Variants in RIPK1 observed in about 807,000 individuals in gnomAD.
RIPK1 encodes receptor-interacting serine/threonine-protein kinase 1.
Under a neutral mutation model 62.4 loss-of-function variants are expected in RIPK1, and 27 were observed. That is an observed-to-expected ratio of 0.43 (90% CI 0.32 to 0.60). The LOEUF (loss-of-function observed/expected upper bound fraction) is 0.60, where lower values mean the gene tolerates loss of function less well. RIPK1 is among the 20% of genes least tolerant of loss of function. The pLI, the probability that RIPK1 is intolerant of heterozygous loss-of-function variation, is 0.07. For synonymous variants in RIPK1, 287 were observed against 303.2 expected (o/e 0.95, Z 0.55); for missense variants, 735 against 831.0 (o/e 0.88, Z 1.42).
rs554625075 is a variant in RIPK1 at position 3,071,787 on chromosome 6, A to C, written c.-61+3126A>C. On this transcript the variant is annotated intron_variant, in intron 1 of 10. Transcript: ENST00000259808. The stretch of plus-strand genomic sequence containing the variant: ...AAGCTCCCAAAGTCCAGTGGACCCA[A>C]CTAGAGGCCTTCCCAAACTCCACCG... Among the ~76,000 whole-genome samples, 18 of 152,340 alleles carry C rather than the reference A, an allele frequency of 1.2e-4. No homozygotes were observed. In the East Asian group the frequency reaches 3.3e-3, roughly 28 times the overall value.
Position 3,079,254 on chromosome 6 carries a change from ATTT to A in RIPK1, c.321+1322_321+1324del, listed in dbSNP as rs1759253321. Among the ~76,000 whole-genome samples, 3 of 151,894 alleles carry A rather than the reference ATTT, an allele frequency of 2.0e-5. No individual in the cohort carries two copies. The South Asian group carries it at 6.2e-4, about 32-fold the overall frequency. The stretch of plus-strand genomic sequence containing the variant: ...ACCACCATGCCTGGCTATTTTTTTA[ATTT>A]TTAGTAGAGACAAGTTTTCACCATG... On this transcript the variant is annotated intron_variant, in intron 3 of 10. Coordinates refer to ENST00000259808, the MANE Select transcript of RIPK1 (RefSeq NM_001354930.2).
intron 9 of RIPK1, among the ~76,000 whole-genome samples, chr6:3,110,302 G>T (rs1427310055): frequency 6.6e-6 from 1 of 150,758 alleles, no homozygotes; most frequent in African/African-American, 2.4e-5. Flanking sequence ...TCCGCCTCCT[G>T]GGTTCAAGTG....
intron 9 of RIPK1, among the ~76,000 whole-genome samples, chr6:3,108,210 G>A (rs1760959674): frequency 6.6e-6 from 1 of 151,854 alleles, no homozygotes; most frequent in Non-Finnish European, 1.5e-5. Context: ...AAAGCTCACT[G>A]GGCTAAGAGT....
chr6:3,083,975 G>A (rs756369548), intron 5 of RIPK1, among the ~76,000 whole-genome samples: 1 of 152,014 alleles, frequency 6.6e-6, no homozygotes, highest in Non-Finnish European at 1.5e-5. Flanking sequence ...AAGTGGCATC[G>A]CCATCCTTTT....
chr6:3,098,226 C>T lies in RIPK1; in HGVS notation c.916-5999C>T, dbSNP rs139134608. Among the ~76,000 whole-genome samples the T allele has an allele frequency of 5.6e-3, 846 of 152,292 alleles. 5 individuals are homozygous for T. The highest frequency in any genetic ancestry group is 0.019 in the African/African-American group (797 of 41,542). On this transcript the variant is annotated intron_variant, in intron 7 of 10. Transcript: ENST00000259808. ...CAGTCACAGAATGGGAGAAGTGCAA[C>T]ACACACATAACTGACAAAGGACTTG...
chr6:3,103,822 G>C (rs1760699784), intron 7 of RIPK1, among the ~76,000 whole-genome samples: 1 of 152,114 alleles, frequency 6.6e-6, no homozygotes, highest in South Asian at 2.1e-4. Flanking sequence ...TATGAAATAA[G>C]GGTCCAACTT....
chr6:3,108,340 T>C (rs955034896), intron 9 of RIPK1, among the ~76,000 whole-genome samples: 1 of 152,026 alleles, frequency 6.6e-6, no homozygotes, highest in Admixed American at 6.6e-5. Flanking sequence ...CAACTGAAAA[T>C]TTATATATTA....
upstream of RIPK1, among the ~76,000 whole-genome samples, chr6:3,067,022 T>G (rs946544271): frequency 7.9e-5 from 12 of 151,414 alleles, no homozygotes; most frequent in Non-Finnish European, 1.6e-4. Flanking sequence ...TTCTTTCACT[T>G]AGATTTATAC....
At position 3,078,405 on chromosome 6, in the gene RIPK1, C is replaced by T. The variant is rs191067609; in HGVS notation, c.321+470C>T. 6.8e-3 allele frequency among the ~76,000 whole-genome samples: 1,031 copies of T among 152,324 alleles called. 44 individuals are homozygous for T. Among genetic ancestry groups the T allele is most frequent in the Admixed American group, 0.065 (997 of 15,298 alleles). ...AAGAGAAAATCTTCCTTGCCTTTTA[C>T]TGCCCTGAGAGTGGTCTCTTCATCC... On this transcript the variant is annotated intron_variant, in intron 3 of 10. Coordinates refer to ENST00000259808, the MANE Select transcript of RIPK1 (RefSeq NM_001354930.2).
At position 3,105,101 on chromosome 6, in the gene RIPK1, C is replaced by T. The variant is rs185007864; in HGVS notation, c.1007-381C>T. On this transcript the variant is annotated intron_variant, in intron 8 of 10. Coordinates refer to ENST00000259808, the MANE Select transcript of RIPK1 (RefSeq NM_001354930.2). This position sits in a 1 kb window ranked among gnomAD's most constrained non-coding sequence, Gnocchi z 4.5. ...TCCTGACCTCAGGTGATCCGTCCGC[C>T]TCAGCCTCCCAACGTGCTAGGATTA... Among the ~76,000 whole-genome samples, 35 of 152,344 alleles carry T rather than the reference C, an allele frequency of 2.3e-4. No homozygotes were observed. Among genetic ancestry groups the T allele is most frequent in the Admixed American group, 1.9e-3 (29 of 15,306 alleles).
intron 10 of RIPK1, 26 bp downstream of exon 10, chr6:3,110,981 G>A (rs765024068): frequency 2.8e-5 from 44 of 1,545,900 alleles, no homozygotes; most frequent in Non-Finnish European, 3.7e-5. Context: ...AGGACTCAAC[G>A]CCTAGCAACC....
intron 3 of RIPK1, among the ~76,000 whole-genome samples, chr6:3,078,172 A>G (rs985211387): frequency 1.3e-5 from 2 of 152,144 alleles, no homozygotes; most frequent in African/African-American, 4.8e-5. Flanking sequence ...AGCTGGGATT[A>G]CAGGCTGGAT....
chr6:3,111,438 A>G (rs1175878474), intron 10 of RIPK1, among the ~76,000 whole-genome samples: 1 of 152,002 alleles, frequency 6.6e-6, no homozygotes, highest in African/African-American at 2.4e-5. Flanking sequence ...CCCAAAGTAC[A>G]GTCTGGAAAA....
In RIPK1 at chr6:3,115,077, A is replaced by G. The variant is rs1761343965; in HGVS notation, c.*1738A>G. 6.6e-6 allele frequency: 1 copy of G among 152,164 alleles called. No homozygotes were observed. Among genetic ancestry groups the G allele is most frequent in the African/African-American group, 2.4e-5 (1 of 41,422 alleles). 9.4% of individuals were successfully genotyped at this position (152,164 alleles called of 1,614,324 possible). A position where few individuals can be genotyped will look rare whatever the true frequency, so the allele number is the denominator to read the frequency against. ...CTGTTTGCTCCTTGTACCACCATCC[A>G]AATGGTGTTATCAAATCTCTTAGAT... On this transcript the variant is annotated 3_prime_UTR_variant, in exon 11 of 11. Coordinates refer to ENST00000259808, the MANE Select transcript of RIPK1 (RefSeq NM_001354930.2).
chr6:3,088,243 G>A (rs377542072), intron 6 of RIPK1, among the ~76,000 whole-genome samples: 59 of 152,172 alleles, frequency 3.9e-4, no homozygotes, highest in African/African-American at 1.3e-3. Context: ...TCAGCCTCTC[G>A]ACTCAGCCCT....
intron 4 of RIPK1, 136 bp from the exon 5 acceptor site, chr6:3,082,949 T>C: frequency 1.3e-6 from 1 of 759,220 alleles, no homozygotes; most frequent in Middle Eastern, 2.9e-4. Context: ...GTCGCTGTTT[T>C]GAACCTGCCC....
rs1457430883 is a variant in RIPK1 at position 3,105,497 on chromosome 6, G to A, written c.1022G>A (p.Gly341Asp). The A allele has an allele frequency of 1.9e-6, 3 of 1,550,434 alleles. No individual in the cohort carries two copies. The highest frequency in any genetic ancestry group is 2.6e-6 in the Non-Finnish European group (3 of 1,153,844). Residue 341 changes from glycine to aspartate, a missense_variant, in exon 9 of 11, where the codon GGT becomes GAT. Physicochemically the swap from Gly to Asp is moderately conservative, Grantham distance 94. This residue lies in a region of RIPK1 where 671 missense variants were observed against 726.2 expected (regional missense o/e 0.92). Coordinates refer to ENST00000259808, the MANE Select transcript of RIPK1 (RefSeq NM_001354930.2). The surrounding 1 kb of genome is among the most constrained non-coding windows in gnomAD (Gnocchi z 4.5). ...TTCTTCTCAGCCACAGAACAGCCTGGTTCACTGCACAGTTCCCAGGGACTT... is the reference window on the plus strand; with the variant it reads ...TTCTTCTCAGCCACAGAACAGCCTGATTCACTGCACAGTTCCCAGGGACTT... ...SRSNSATEQPGSLHSSQGLGM... is the reference protein window; with the variant it reads ...SRSNSATEQPDSLHSSQGLGM...
upstream of RIPK1, among the ~76,000 whole-genome samples, chr6:3,065,492 T>G (rs1758344118): frequency 6.9e-6 from 1 of 145,002 alleles, no homozygotes; most frequent in African/African-American, 2.6e-5. Context: ...GGATCCAAAG[T>G]GGGAAGAAAT....
chr6:3,071,614 ATAAAGTTGAATCT>A, intron 1 of RIPK1, among the ~76,000 whole-genome samples: 1 of 152,240 alleles, frequency 6.6e-6, no homozygotes, highest in African/African-American at 2.4e-5. Flanking sequence ...TTCAGTGCTC[ATAAAGTTGAATCT>A]TTCATGTGGA....
Sources: gnomAD v4.1 joint callset for allele counts (sites outside exome capture counted in the v4.1 genomes callset) on GRCh38, gnomAD v4.1.1 for gene constraint, gnomAD v4.1.1 regional missense constraint, Gnocchi (gnomAD v3.1) non-coding constraint, MANE v1.5 for transcripts, NCBI Gene and HGNC (gene_info 2026-07-23, HGNC 2026-07-21) for gene names.